The following ZNF229 variants were observed in gnomAD, a reference collection of about 807,000 sequenced individuals.
The protein encoded by ZNF229 is zinc finger protein 229.
ZNF229 carries 10 observed loss-of-function variants against 11.8 expected under a neutral mutation model. That is an observed-to-expected ratio of 0.85 (90% CI 0.52 to 1.44). ZNF229 has a LOEUF of 1.44. ZNF229 is among the 40% of genes most tolerant of loss of function. ZNF229 has a pLI of 0.00. For missense variants in ZNF229, 1,045 were observed against 1,015.1 expected (o/e 1.03, Z -0.40); for synonymous variants, 368 against 374.8 (o/e 0.98, Z 0.21).
rs773348514 is a variant in ZNF229 at position 44,429,552 on chromosome 19, C to G, written c.1229G>C (p.Cys410Ser). 6.2e-7 allele frequency: 1 copy of G among 1,613,798 alleles called. No homozygotes were observed. Among genetic ancestry groups the G allele is most frequent in the South Asian group, 1.1e-5 (1 of 91,080 alleles). Reference sequence around the variant, plus strand: ...TGAGCTGTAACTGAAGCCCTTCCCACACTCGCTGCATTTATATGGTTTCTC... The same window carrying G: ...TGAGCTGTAACTGAAGCCCTTCCCAGACTCGCTGCATTTATATGGTTTCTC... ...TGEKPYKCSE[C>S]GKGFSYSSVL... is the part of the protein sequence containing the mutation. The change falls in exon 6 of 6, where the codon TGT becomes TCT. Residue 410 changes from cysteine to serine, a missense_variant. By Grantham distance (112) the Cys-to-Ser change is moderately radical. Transcript: ENST00000614049.
intron 2 of ZNF229, among the ~76,000 whole-genome samples, chr19:44,446,428 G>C (rs1242741206): frequency 6.6e-6 from 1 of 152,198 alleles, no homozygotes; most frequent in Non-Finnish European, 1.5e-5. Flanking sequence ...CACCACAGGA[G>C]AGACTTAACC....
intron 2 of ZNF229, among the ~76,000 whole-genome samples, chr19:44,444,312 T>A: frequency 6.6e-6 from 1 of 152,208 alleles, no homozygotes; most frequent in Non-Finnish European, 1.5e-5. Flanking sequence ...CTGTCTACTC[T>A]AGGACACTCA....
chr19:44,437,909 G>A (rs1971841369), intron 4 of ZNF229, among the ~76,000 whole-genome samples: 1 of 152,182 alleles, frequency 6.6e-6, no homozygotes. Context: ...TAAGTAGGAG[G>A]TAAATGATGA....
At chr19:44,440,054 G>A (rs1291733431) in intron 4 of ZNF229, among the ~76,000 whole-genome samples, 3 of 152,094 alleles carry the variant, frequency 2.0e-5, no homozygotes, top group Non-Finnish European at 4.4e-5. Flanking sequence ...AAACTGCACA[G>A]ACCATCTTAA....
At chr19:44,433,463 G>A (rs949652946) in intron 4 of ZNF229, among the ~76,000 whole-genome samples, 2 of 151,968 alleles carry the variant, frequency 1.3e-5, no homozygotes, top group African/African-American at 2.4e-5. Flanking sequence ...TGGATCATGC[G>A]GTCAGATCCC....
At chr19:44,431,728 G>T in intron 5 of ZNF229, 1 of 985,438 alleles carries the variant, frequency 1.0e-6, no homozygotes, top group Non-Finnish European at 1.2e-6. Flanking sequence ...GCCCAGCAAG[G>T]CTCTTGTCTC....
At chr19:44,430,905 G>A (rs1440100960) in intron 5 of ZNF229, among the ~76,000 whole-genome samples, 1 of 152,098 alleles carries the variant, frequency 6.6e-6, no homozygotes, top group Non-Finnish European at 1.5e-5. Context: ...CATATTAACT[G>A]ACTTAAACCT....
intron 4 of ZNF229, among the ~76,000 whole-genome samples, chr19:44,441,854 CTG>C (rs1407821017): frequency 2.0e-5 from 3 of 152,208 alleles, no homozygotes; most frequent in African/African-American, 7.2e-5. Context: ...ACTCCTGCAG[CTG>C]TGTGGATGTA....
intron 2 of ZNF229, among the ~76,000 whole-genome samples, chr19:44,447,050 G>GT (rs896677964): frequency 1.1e-4 from 16 of 152,292 alleles, no homozygotes; most frequent in African/African-American, 2.9e-4. Flanking sequence ...TACCTGTTAA[G>GT]TTTTTTTAAC....
chr19:44,433,337 G>C (rs1225450918), intron 4 of ZNF229, among the ~76,000 whole-genome samples: 4 of 151,990 alleles, frequency 2.6e-5, no homozygotes, highest in Non-Finnish European at 5.9e-5. Flanking sequence ...GATTAACAGG[G>C]GTGAGCCACT....
intron 4 of ZNF229, among the ~76,000 whole-genome samples, chr19:44,441,791 T>TAA (rs1227499961): frequency 6.6e-6 from 1 of 152,200 alleles, no homozygotes; most frequent in African/African-American, 2.4e-5. Context: ...AAAAAATTCT[T>TAA]AGAGTGGGAA....
At chr19:44,434,614 C>G (rs1041701661) in intron 4 of ZNF229, among the ~76,000 whole-genome samples, 3 of 152,202 alleles carry the variant, frequency 2.0e-5, no homozygotes, top group Non-Finnish European at 4.4e-5. Flanking sequence ...TTCACTTGGA[C>G]AGTGGCAAGC....
In ZNF229 at chr19:44,430,145, T is replaced by A. The variant is rs768519755; in HGVS notation, c.636A>T (p.Val212=). 2 of 1,614,140 alleles carry A rather than the reference T, an allele frequency of 1.2e-6. No individual in the cohort carries two copies. The highest frequency in any genetic ancestry group is 2.2e-5 in the East Asian group (1 of 44,882). ...TGTCATCATCCCAGTTACATTTATA[T>A]ACTGTGTCTTCTGTGTCGAGATTTT... The part of the protein sequence containing the change: ...RCKNLDTEDT[V]YKCNWDDDSF... The change falls in exon 6 of 6, where the codon GTA becomes GTT. Residue 212 remains valine (V), a synonymous_variant. Coordinates refer to ENST00000614049, the MANE Select transcript of ZNF229 (RefSeq NM_014518.4).
At chr19:44,432,057 C>T in intron 5 of ZNF229, 165 bp downstream of exon 5, 1 of 1,335,492 alleles carries the variant, frequency 7.5e-7, no homozygotes, top group Non-Finnish European at 9.7e-7. Flanking sequence ...CAGACTGTGC[C>T]TTCCAGAAAT....
intron 1 of ZNF229, among the ~76,000 whole-genome samples, chr19:44,447,993 G>C (rs2571160): frequency 0.051 from 7,713 of 152,244 alleles, 435 homozygotes; most frequent in East Asian, 0.28. Context: ...CCAACTCCTA[G>C]GACTTGCACA....
In ZNF229 at chr19:44,429,619, G is replaced by A. The variant is rs377446964; in HGVS notation, c.1162C>T (p.Arg388Ter). 1.4e-5 allele frequency: 22 copies of A among 1,613,836 alleles called. No homozygotes were observed. The highest frequency in any genetic ancestry group is 4.5e-5 in the East Asian group (2 of 44,868). ...KCEECGKAFG[R>*]SSNLLVHQRV... ...TGATGGACAAGCAGGTTTGAACTTCGACCAAATGCCTTCCCACACTCCTCA... is the reference window on the plus strand; with the variant it reads ...TGATGGACAAGCAGGTTTGAACTTCAACCAAATGCCTTCCCACACTCCTCA... Residue 388 changes from arginine to a stop codon, truncating the protein, a stop_gained, in exon 6 of 6, where the codon CGA becomes TGA. Coordinates refer to ENST00000614049, the MANE Select transcript of ZNF229 (RefSeq NM_014518.4). LOFTEE classifies it low-confidence loss of function (END_TRUNC).
In ZNF229 at chr19:44,428,609, G is replaced by A; in HGVS notation, c.2172C>T (p.Gly724=). The change falls in exon 6 of 6, where the codon GGC becomes GGT. Residue 724 remains glycine, a synonymous_variant. Transcript: ENST00000614049. The part of the protein sequence containing the change: ...CCECGKGFRY[G]SGLLSHKRVH... Reference sequence around the variant, plus strand: ...CTCTCTTATGACTAAGGAGACCTGAGCCATATCTGAAACCCTTCCCACATT... The same window carrying A: ...CTCTCTTATGACTAAGGAGACCTGAACCATATCTGAAACCCTTCCCACATT... 1.2e-6 allele frequency: 2 copies of A among 1,613,908 alleles called. No individual in the cohort carries two copies. The highest frequency in any genetic ancestry group is 1.1e-5 in the South Asian group (1 of 91,068).
chr19:44,436,298 G>A (rs955226646), intron 4 of ZNF229, among the ~76,000 whole-genome samples: 2 of 151,686 alleles, frequency 1.3e-5, no homozygotes, highest in Non-Finnish European at 2.9e-5. Flanking sequence ...GGGGTTCAAG[G>A]CTGCAGTGAG....
chr19:44,442,825 T>C lies in ZNF229; in HGVS notation c.23A>G (p.His8Arg). Residue 8 changes from histidine to arginine, a missense_variant, in exon 3 of 6, where the codon CAT becomes CGT. Physicochemically the swap from His to Arg is conservative, Grantham distance 29. Transcript: ENST00000614049. ...CTATTAGCTGTCACCTCTTTTCTCATGCCTTGAGGTCAAAGTCTCCATGGT... is the reference window on the plus strand; with the variant it reads ...CTATTAGCTGTCACCTCTTTTCTCACGCCTTGAGGTCAAAGTCTCCATGGT... The part of the protein sequence containing the change: METLTSR[H>R]EKRALHSQAS... 6.9e-7 allele frequency: 1 copy of C among 1,445,926 alleles called. No individual in the cohort carries two copies. Among genetic ancestry groups the C allele is most frequent in the Non-Finnish European group, 9.6e-7 (1 of 1,036,744 alleles). 89.6% of individuals were successfully genotyped at this position (1,445,926 alleles called of 1,614,324 possible).
Sources: allele counts gnomAD v4.1 joint callset (sites outside exome capture counted in the v4.1 genomes callset), GRCh38; gene constraint gnomAD v4.1.1; transcripts MANE v1.5; gene names NCBI Gene and HGNC (gene_info 2026-07-23, HGNC 2026-07-21).